Variants in KATNAL2 observed in about 807,000 individuals in gnomAD.
KATNAL2 encodes the protein katanin catalytic subunit A1 like 2.
A neutral mutation model predicts 76.3 loss-of-function variants in KATNAL2; 52 were observed. That is an observed-to-expected ratio of 0.68 (90% CI 0.55 to 0.86). KATNAL2 has a LOEUF of 0.86. Among genes scored for constraint, KATNAL2 ranks in the 40% least tolerant of loss-of-function variants. The pLI, the probability that KATNAL2 is intolerant of heterozygous loss-of-function variation, is 0.00. For synonymous variants in KATNAL2, 243 were observed against 244.2 expected (o/e 1.00, Z 0.05); for missense variants, 660 against 668.9 (o/e 0.99, Z 0.15).
intron 15 of KATNAL2, among the ~76,000 whole-genome samples, chr18:47,080,682 A>C (rs2062464860): frequency 6.6e-6 from 1 of 152,168 alleles, no homozygotes; most frequent in Admixed American, 6.5e-5. Context: ...GAGGGTTCCG[A>C]TTTCTCCACA....
rs1370887166 is a variant in KATNAL2, at chr18:47,050,091, T to TG, written c.123-2787dup. ...GATGAGATTTATCTGTTGCCCAGGC[T>TG]GGTCTGGGACTCCTGGGCTCAAGCG... On this transcript the variant is annotated intron_variant, in intron 4 of 17. Coordinates refer to ENST00000683218, the MANE Select transcript of KATNAL2 (RefSeq NM_001387690.1). 3.9e-5 allele frequency among the ~76,000 whole-genome samples: 6 copies of TG among 152,270 alleles called. No individual in the cohort carries two copies. The East Asian group carries it at 9.6e-4, about 24-fold the overall frequency.
chr18:47,038,824 T>C (rs890127789), intron 3 of KATNAL2, among the ~76,000 whole-genome samples: 13 of 152,222 alleles, frequency 8.5e-5, no homozygotes, highest in Non-Finnish European at 1.5e-4. Context: ...CAAATTATTA[T>C]AAAACCCACA....
intron 1 of KATNAL2, among the ~76,000 whole-genome samples, chr18:46,939,381 C>T (rs2059182022): frequency 6.6e-6 from 1 of 150,710 alleles, no homozygotes; most frequent in South Asian, 2.1e-4. Flanking sequence ...TATTTTCATT[C>T]AAAAAGAGAA....
intron 3 of KATNAL2, among the ~76,000 whole-genome samples, chr18:46,952,486 G>A (rs1287338856): frequency 3.1e-5 from 4 of 129,210 alleles, no homozygotes; most frequent in Non-Finnish European, 4.7e-5. Flanking sequence ...TGCAACCTCC[G>A]CCTCCCGGGT....
chr18:46,967,709 C>T (rs1390611809), intron 3 of KATNAL2, among the ~76,000 whole-genome samples: 265 of 113,174 alleles, frequency 2.3e-3, no homozygotes, highest in African/African-American at 8.6e-3. Flanking sequence ...GTAGTTAACC[C>T]GGTCATCTCA....
intron 3 of KATNAL2, among the ~76,000 whole-genome samples, chr18:47,041,834 G>A (rs946348092): frequency 7.9e-5 from 12 of 152,162 alleles, no homozygotes; most frequent in African/African-American, 2.9e-4. Context: ...CATCCCACCA[G>A]CAATCAGTGA....
Position 47,084,847 on chromosome 18 carries a change from T to TTAAAAAAA in KATNAL2, c.1211+7386_1211+7387insTAAAAAAA, listed in dbSNP as rs2062698751. Among the ~76,000 whole-genome samples, 2 of 25,534 alleles carry TTAAAAAAA rather than the reference T, an allele frequency of 7.8e-5. 1 individual carries two copies. Among genetic ancestry groups the TTAAAAAAA allele is most frequent in the Admixed American group, 1.4e-3 (2 of 1,476 alleles). The allele number at this position is 25,534 out of a possible 152,430, so 16.8% of individuals were successfully genotyped here. ...CTGGATGACAGAGCAAGACTCTGTC[T>TTAAAAAAA]AAAAAAAAAAAAAAAAAAAAAAAAA... On this transcript the variant is annotated intron_variant, in intron 15 of 17. Coordinates refer to ENST00000683218, the MANE Select transcript of KATNAL2 (RefSeq NM_001387690.1).
chr18:46,956,918 C>T (rs1015172926), intron 3 of KATNAL2, among the ~76,000 whole-genome samples: 2 of 151,550 alleles, frequency 1.3e-5, no homozygotes, highest in African/African-American at 2.4e-5. Context: ...TGGCATGCAC[C>T]TGTAATCCCA....
At chr18:47,040,811 G>A (rs1188011136) in intron 3 of KATNAL2, among the ~76,000 whole-genome samples, 2 of 152,112 alleles carry the variant, frequency 1.3e-5, no homozygotes, top group African/African-American at 4.8e-5. Context: ...TGACCAAAAT[G>A]TGTTTTTTTC....
intron 9 of KATNAL2, 107 bp downstream of exon 9, chr18:47,063,177 A>G: frequency 7.0e-7 from 1 of 1,424,860 alleles, no homozygotes; most frequent in Non-Finnish European, 9.9e-7. Context: ...GTTAAAGGCC[A>G]TAGCCACCTG....
chr18:47,073,169 A>G (rs2062066440), intron 13 of KATNAL2, among the ~76,000 whole-genome samples: 2 of 152,192 alleles, frequency 1.3e-5, no homozygotes, highest in South Asian at 4.1e-4. Flanking sequence ...CCAACACACC[A>G]ATATATTTTT....
chr18:47,036,851 G>C (rs1482376093), intron 3 of KATNAL2, among the ~76,000 whole-genome samples: 1 of 152,196 alleles, frequency 6.6e-6, no homozygotes, highest in Non-Finnish European at 1.5e-5. Context: ...TGGATCTGTA[G>C]ACACTTCTTT....
At chr18:46,919,368 C>T (rs2058382425) in intron 1 of KATNAL2, among the ~76,000 whole-genome samples, 1 of 152,064 alleles carries the variant, frequency 6.6e-6, no homozygotes, top group Non-Finnish European at 1.5e-5. Context: ...TTCCTGTAAT[C>T]CCAGCTACTC....
chr18:47,033,805 G>A, intron 3 of KATNAL2: 2 of 1,614,188 alleles, frequency 1.2e-6, no homozygotes, highest in South Asian at 2.2e-5. Flanking sequence ...TTCTGGCTTT[G>A]CCTGGGAGGT....
At chr18:47,078,608 A>G (rs954949202) in intron 15 of KATNAL2, among the ~76,000 whole-genome samples, 1 of 152,204 alleles carries the variant, frequency 6.6e-6, no homozygotes, top group African/African-American at 2.4e-5. Flanking sequence ...CTGGGGGTGA[A>G]TATTAGAGTC....
intron 1 of KATNAL2, among the ~76,000 whole-genome samples, chr18:46,942,760 A>G (rs952709543): frequency 2.6e-5 from 4 of 151,544 alleles, no homozygotes; most frequent in African/African-American, 9.7e-5. Context: ...CATCTCTGTA[A>G]TTCCTGGATA....
intron 3 of KATNAL2, chr18:47,034,804 T>C: frequency 6.2e-7 from 1 of 1,612,284 alleles, no homozygotes; most frequent in Non-Finnish European, 8.5e-7. Flanking sequence ...GCACTTTCTC[T>C]CAGCTCTGGG....
intron 3 of KATNAL2, chr18:47,033,197 T>A (rs2060567928): frequency 6.8e-6 from 11 of 1,614,110 alleles, no homozygotes; most frequent in Non-Finnish European, 9.3e-6. Flanking sequence ...CCGCCGCTGC[T>A]GCTCTGGCTG....
At chr18:46,957,301 T>A (rs2059785251) in intron 3 of KATNAL2, among the ~76,000 whole-genome samples, 1 of 141,628 alleles carries the variant, frequency 7.1e-6, no homozygotes, top group South Asian at 2.3e-4. Flanking sequence ...TCGCCCAGGC[T>A]GGAGTGCAGT....
Sources: gnomAD v4.1 joint callset for allele counts (sites outside exome capture counted in the v4.1 genomes callset) on GRCh38, gnomAD v4.1.1 for gene constraint, MANE v1.5 for transcripts, NCBI Gene and HGNC (gene_info 2026-07-23, HGNC 2026-07-21) for gene names.